Variants in MOB1B observed in about 807,000 individuals in gnomAD.
The protein encoded by MOB1B is MOB1 Mps One Binder homolog B.
Under a neutral mutation model 24.4 loss-of-function variants are expected in MOB1B, and 19 were observed. The observed-to-expected ratio is 0.78, with a 90% confidence interval of 0.54 to 1.14. The LOEUF (loss-of-function observed/expected upper bound fraction) is 1.14, where lower values mean the gene tolerates loss of function less well. MOB1B is among the 50% of genes most tolerant of loss of function. The probability of loss-of-function intolerance (pLI) is 0.00; values close to 1 mark genes in which losing one functional copy is unlikely to be tolerated. For missense variants in MOB1B, 243 were observed against 259.6 expected, an observed-to-expected ratio of 0.94 and a Z score of 0.44; for synonymous variants, 76 against 82.1, an observed-to-expected ratio of 0.93 and a Z score of 0.40.
At chr4:70,946,884 T>G (rs1737605558) in intron 1 of MOB1B, among the ~76,000 whole-genome samples, 1 of 152,324 alleles carries the variant, frequency 6.6e-6, no homozygotes, top group African/African-American at 2.4e-5. Context: ...AGGCTCTGAT[T>G]AGCCAGCCAA....
chr4:70,982,126 A>G lies in MOB1B; in HGVS notation c.*69A>G. Reference sequence around the variant, plus strand: ...TGGAGTGTATTGGGGATTTTGTTATATTTTGTTTTTATCTGGATTGTTTTT... The same window carrying G: ...TGGAGTGTATTGGGGATTTTGTTATGTTTTGTTTTTATCTGGATTGTTTTT... On this transcript the variant is annotated 3_prime_UTR_variant, in exon 6 of 6. Coordinates refer to ENST00000309395, the MANE Select transcript of MOB1B (RefSeq NM_173468.4). 2 of 1,218,684 alleles carry G rather than the reference A, an allele frequency of 1.6e-6. No individual in the cohort carries two copies. Among genetic ancestry groups the G allele is most frequent in the South Asian group, 2.6e-5 (2 of 76,432 alleles). 75.5% of individuals were successfully genotyped at this position (1,218,684 alleles called of 1,614,324 possible).
At chr4:70,929,439 G>A (rs905722791) in intron 1 of MOB1B, among the ~76,000 whole-genome samples, 9 of 151,714 alleles carry the variant, frequency 5.9e-5, no homozygotes, top group African/African-American at 1.2e-4. Flanking sequence ...TTGGCCTCCC[G>A]AAGGATTACA....
At chr4:70,976,577 C>T in intron 4 of MOB1B, 1 of 984,706 alleles carries the variant, frequency 1.0e-6, no homozygotes, top group Non-Finnish European at 1.2e-6. Context: ...TCTCAAAAAG[C>T]TAAGAATCTG....
intron 2 of MOB1B, among the ~76,000 whole-genome samples, chr4:70,968,682 A>T (rs1443806522): frequency 1.3e-5 from 2 of 152,172 alleles, no homozygotes; most frequent in African/African-American, 4.8e-5. Context: ...TGGTGAAATC[A>T]TAGCTCATTA....
chr4:70,950,890 T>TA, intron 1 of MOB1B: 1 of 801,938 alleles, frequency 1.2e-6, no homozygotes, highest in Non-Finnish European at 2.1e-6. Flanking sequence ...AGGTAGGTAT[T>TA]ATTATCTCCA....
intron 1 of MOB1B, among the ~76,000 whole-genome samples, chr4:70,910,218 T>C (rs1735924502): frequency 6.6e-6 from 1 of 151,382 alleles, no homozygotes. Flanking sequence ...TTTTTGTGTT[T>C]TTAGTAGAGA....
chr4:70,927,925 C>A (rs544179688), intron 1 of MOB1B, among the ~76,000 whole-genome samples: 13 of 152,194 alleles, frequency 8.5e-5, no homozygotes, highest in African/African-American at 3.1e-4. Flanking sequence ...ATCCCTCCCC[C>A]ACAGTGTTCA....
intron 2 of MOB1B, among the ~76,000 whole-genome samples, chr4:70,959,611 T>C (rs1290220015): frequency 1.3e-5 from 2 of 152,264 alleles, no homozygotes; most frequent in Non-Finnish European, 2.9e-5. Context: ...TAATTTTTCA[T>C]GTGTCAAACA....
chr4:70,976,753 C>CATATATACATATATATATATAT (rs1553939768), intron 4 of MOB1B: 8 of 181,626 alleles, frequency 4.4e-5, no homozygotes, highest in African/African-American at 1.8e-4. Flanking sequence ...GACTGAATTA[C>CATATATACATATATATATATAT]ATATATATAT....
intron 1 of MOB1B, among the ~76,000 whole-genome samples, chr4:70,938,346 A>AG (rs1737178048): frequency 7.7e-6 from 1 of 130,358 alleles, no homozygotes; most frequent in African/African-American, 2.8e-5. Context: ...AAAAAAAAAA[A>AG]AAAGAGCTTT....
intron 1 of MOB1B, among the ~76,000 whole-genome samples, chr4:70,932,835 A>G (rs1349620015): frequency 6.6e-6 from 1 of 152,210 alleles, no homozygotes; most frequent in Non-Finnish European, 1.5e-5. Flanking sequence ...ACTAAGGATG[A>G]TAGCAGTAGC....
chr4:70,940,892 C>G (rs1057324062), intron 1 of MOB1B, among the ~76,000 whole-genome samples: 1 of 151,918 alleles, frequency 6.6e-6, no homozygotes, highest in Non-Finnish European at 1.5e-5. Context: ...AGGCTGGTAT[C>G]GAACTCCTGA....
At chr4:70,926,176 G>C (rs986532349) in intron 1 of MOB1B, among the ~76,000 whole-genome samples, 2 of 152,156 alleles carry the variant, frequency 1.3e-5, no homozygotes, top group African/African-American at 4.8e-5. Context: ...TGTAGAGACA[G>C]GGTTTTGCCA....
At chr4:70,903,974 C>CTTTTTTTTTTTTTTTTTTTTTTT (rs754257097) in intron 1 of MOB1B, among the ~76,000 whole-genome samples, 43 of 81,020 alleles carry the variant, frequency 5.3e-4, no homozygotes, top group Admixed American at 6.3e-4. Flanking sequence ...TATTTTAGTT[C>CTTTTTTTTTTTTTTTTTTTTTTT]TTTTTTTTTT....
chr4:70,955,200 G>C (rs1334366391), intron 1 of MOB1B, among the ~76,000 whole-genome samples: 1 of 152,230 alleles, frequency 6.6e-6, no homozygotes, highest in Admixed American at 6.5e-5. Flanking sequence ...GACTCTGGGG[G>C]AGGTGAGGCT....
At chr4:70,970,062 T>C in intron 3 of MOB1B, 38 bp downstream of exon 3, 1 of 1,225,352 alleles carries the variant, frequency 8.2e-7, no homozygotes, top group South Asian at 1.4e-5. Flanking sequence ...TATTTTTACA[T>C]TATTTTACGG....
At chr4:70,912,546 G>C (rs1736034118) in intron 1 of MOB1B, among the ~76,000 whole-genome samples, 1 of 152,146 alleles carries the variant, frequency 6.6e-6, no homozygotes, top group African/African-American at 2.4e-5. Context: ...CTAAAGTGCT[G>C]AGATTACAGG....
chr4:70,909,050 CAAAA>C (rs746664159), intron 1 of MOB1B, among the ~76,000 whole-genome samples: 2 of 85,742 alleles, frequency 2.3e-5, no homozygotes, highest in African/African-American at 4.0e-5. Flanking sequence ...GACTCCATCT[CAAAA>C]AAAAAAAAAA....
intron 1 of MOB1B, among the ~76,000 whole-genome samples, chr4:70,925,651 ATCAT>A (rs1391683710): frequency 6.6e-6 from 1 of 152,162 alleles, no homozygotes; most frequent in East Asian, 1.9e-4. Flanking sequence ...TCGGGTCCTA[ATCAT>A]TGGATTATAA....
Sources: allele counts gnomAD v4.1 joint callset (sites outside exome capture counted in the v4.1 genomes callset), GRCh38; gene constraint gnomAD v4.1.1; transcripts MANE v1.5; gene names NCBI Gene and HGNC (gene_info 2026-07-23, HGNC 2026-07-21).